The following LPAR6 variants were observed in gnomAD, a reference collection of about 807,000 sequenced individuals.
LPAR6 encodes lysophosphatidic acid receptor 6, also known as G-protein coupled purinergic receptor P2Y5.
Under a neutral mutation model 22.0 loss-of-function variants are expected in LPAR6, and 17 were observed. That is an observed-to-expected ratio of 0.77 (90% CI 0.53 to 1.16). The LOEUF (loss-of-function observed/expected upper bound fraction) is 1.16. Among genes scored for constraint, LPAR6 ranks in the 50% most tolerant of loss-of-function variants. The probability of loss-of-function intolerance (pLI) is 0.00; values close to 1 mark genes in which losing one functional copy is unlikely to be tolerated. For missense variants in LPAR6, 384 were observed against 406.9 expected, an observed-to-expected ratio of 0.94 and a Z score of 0.48; for synonymous variants, 136 against 139.8, an observed-to-expected ratio of 0.97 and a Z score of 0.19.
rs150996674 is a variant in LPAR6 at position 48,404,892 on chromosome 13, T to C, written n.114+10808A>G. 2.6e-3 allele frequency among the ~76,000 whole-genome samples: 397 copies of C among 152,158 alleles called. 1 individual carries two copies. The highest frequency in any genetic ancestry group is 4.4e-3 in the Non-Finnish European group (302 of 67,994). ...TTCCAGAGAGAAAAAGTAAGCTATT[T>C]TAGGGGAATGAGATCCAGATCAGCA... On this transcript the variant is annotated intron_variant and non_coding_transcript_variant, in intron 1 of 1. Coordinates refer to the LPAR6 transcript ENST00000462781.
upstream of LPAR6, among the ~76,000 whole-genome samples, chr13:48,417,604 T>C (rs959462257): frequency 2.0e-5 from 3 of 152,096 alleles, no homozygotes; most frequent in Non-Finnish European, 4.4e-5. Context: ...AAGGACCATG[T>C]TCTAACCCAA....
chr13:48,398,863 G>A (rs1948668045), intron 1 of LPAR6, among the ~76,000 whole-genome samples: 1 of 152,082 alleles, frequency 6.6e-6, no homozygotes, highest in South Asian at 2.1e-4. Flanking sequence ...TGAGTAACAA[G>A]GGAAGTGTTT....
chr13:48,422,499 ATACT>A (rs1221402093), intron 2 of LPAR6, among the ~76,000 whole-genome samples: 1 of 152,186 alleles, frequency 6.6e-6, no homozygotes, highest in Non-Finnish European at 1.5e-5. Context: ...ATGTATCCCA[ATACT>A]TAAAGTATAA....
At chr13:48,443,341 GC>G (rs1949256341) in intron 1 of LPAR6, among the ~76,000 whole-genome samples, 1 of 151,816 alleles carries the variant, frequency 6.6e-6, no homozygotes, top group African/African-American at 2.4e-5. Context: ...ATTCTAGGAA[GC>G]TTCTCTATTC....
At chr13:48,408,390 A>G (rs1291701542), downstream of LPAR6, among the ~76,000 whole-genome samples, 1 of 152,024 alleles carries the variant, frequency 6.6e-6, no homozygotes, top group Non-Finnish European at 1.5e-5. Flanking sequence ...CACCTGAAAA[A>G]TTTTCTCAGC....
intron 1 of LPAR6, among the ~76,000 whole-genome samples, chr13:48,443,683 C>T (rs1949260030): frequency 1.3e-5 from 2 of 152,124 alleles, no homozygotes; most frequent in Non-Finnish European, 2.9e-5. Flanking sequence ...GTTTAGTGTT[C>T]AGGGCACCAA....
At position 48,434,251 on chromosome 13, in the gene LPAR6, G is replaced by A. The variant is rs533576110; in HGVS notation, c.-1473-10132C>T. On this transcript the variant is annotated intron_variant, in intron 1 of 6. Transcript: ENST00000378434. The stretch of plus-strand genomic sequence containing the variant: ...CAGTTGAGGCCAGTAGTTTGAGAAC[G>A]GCCTGGACAACATAGTGAGAATCTC... Among the ~76,000 whole-genome samples, 29 of 151,676 alleles carry A rather than the reference G, an allele frequency of 1.9e-4. No homozygotes were observed. In the East Asian group the frequency reaches 3.9e-3, roughly 20 times the overall value.
chr13:48,414,829 G>T (rs17071695), upstream of LPAR6, among the ~76,000 whole-genome samples: 1 of 151,938 alleles, frequency 6.6e-6, no homozygotes, highest in African/African-American at 2.4e-5. Context: ...AATTTTGAAG[G>T]GTTGAATATC....
intron 1 of LPAR6, among the ~76,000 whole-genome samples, chr13:48,443,601 G>A (rs1949259054): frequency 6.6e-6 from 1 of 152,124 alleles, no homozygotes; most frequent in Non-Finnish European, 1.5e-5. Flanking sequence ...CTTGTGTAAG[G>A]AAACCATGAA....
intron 1 of LPAR6, among the ~76,000 whole-genome samples, chr13:48,434,633 T>C (rs1949164124): frequency 2.0e-5 from 3 of 152,068 alleles, no homozygotes. Context: ...TTCAGGGGTT[T>C]CCACTATACA....
chr13:48,435,426 A>G (rs1160302677), intron 1 of LPAR6, among the ~76,000 whole-genome samples: 1 of 151,778 alleles, frequency 6.6e-6, no homozygotes, highest in African/African-American at 2.4e-5. Flanking sequence ...TTTGTTTTTT[A>G]CCATTGAGTT....
upstream of LPAR6, among the ~76,000 whole-genome samples, chr13:48,428,504 A>G (rs1455192443): frequency 6.6e-6 from 1 of 152,270 alleles, no homozygotes; most frequent in Non-Finnish European, 1.5e-5. Context: ...TGGAAGGGAC[A>G]AACATTGAAA....
At chr13:48,398,392 A>C (rs1948664581) in intron 1 of LPAR6, among the ~76,000 whole-genome samples, 1 of 152,106 alleles carries the variant, frequency 6.6e-6, no homozygotes, top group Admixed American at 6.6e-5. Flanking sequence ...GAAATTATTT[A>C]GCTTGTTCTA....
At chr13:48,394,845 T>G (rs1948635749) in intron 1 of LPAR6, among the ~76,000 whole-genome samples, 1 of 152,230 alleles carries the variant, frequency 6.6e-6, no homozygotes, top group South Asian at 2.1e-4. Flanking sequence ...CATTCCTGCC[T>G]GCTGGCTCTG....
At chr13:48,428,940 G>C (rs1949103178), upstream of LPAR6, among the ~76,000 whole-genome samples, 1 of 152,180 alleles carries the variant, frequency 6.6e-6, no homozygotes, top group Non-Finnish European at 1.5e-5. Flanking sequence ...TTACTGAGGG[G>C]TAGAAGTTAA....
chr13:48,443,061 A>T (rs1015723752), intron 1 of LPAR6, among the ~76,000 whole-genome samples: 2 of 152,062 alleles, frequency 1.3e-5, no homozygotes, highest in African/African-American at 4.8e-5. Context: ...AATCCATTTG[A>T]AACACATTTT....
At chr13:48,428,567 G>A (rs982791639), upstream of LPAR6, among the ~76,000 whole-genome samples, 1 of 152,182 alleles carries the variant, frequency 6.6e-6, no homozygotes, top group Non-Finnish European at 1.5e-5. Context: ...TAAATATTAA[G>A]CAAAGAACTT....
At position 48,422,365 on chromosome 13, in the gene LPAR6, C is replaced by T. The variant is rs537568912; in HGVS notation, c.-954+285G>A. Among the ~76,000 whole-genome samples, 31 of 152,024 alleles carry T rather than the reference C, an allele frequency of 2.0e-4. 2 individuals are homozygous for T. The highest frequency in any genetic ancestry group is 7.5e-4 in the African/African-American group (31 of 41,484). On this transcript the variant is annotated intron_variant, in intron 2 of 4. Transcript: ENST00000345941. ...GGGAACATCACACATCGGGGCCTGT[C>T]GGGGTTGGGGGTTAGAGGAGGGATA...
intron 1 of LPAR6, among the ~76,000 whole-genome samples, chr13:48,393,342 G>C (rs1321894196): frequency 1.3e-5 from 2 of 152,128 alleles, no homozygotes; most frequent in African/African-American, 4.8e-5. Flanking sequence ...TTCTTCAACT[G>C]GGGGACCACT....
Sources: gnomAD v4.1 joint callset for allele counts (sites outside exome capture counted in the v4.1 genomes callset) on GRCh38, gnomAD v4.1.1 for gene constraint, MANE v1.5 for transcripts, NCBI Gene and HGNC (gene_info 2026-07-23, HGNC 2026-07-21) for gene names.